CSMD1: variants seen among roughly 807,000 people sequenced by gnomAD.
CSMD1 encodes the protein CUB and sushi domain-containing protein 1.
In CSMD1, 213 loss-of-function variants were observed where a neutral mutation model predicts 417.5. The ratio of observed to expected loss-of-function variants is 0.51; its 90% CI spans 0.46 to 0.57. The LOEUF (loss-of-function observed/expected upper bound fraction) is 0.57, where lower values mean the gene tolerates loss of function less well. CSMD1 is among the 20% of genes least tolerant of loss of function. The pLI is 0.00. For synonymous variants in CSMD1, 2,862 were observed against 1,736.8 expected (o/e 1.65, Z -16.11); for missense variants, 6,923 against 4,529.7 (o/e 1.53, Z -15.17).
intron 2 of CSMD1, among the ~76,000 whole-genome samples, chr8:4,553,161 C>A (rs963382464): frequency 1.3e-5 from 2 of 152,198 alleles, no homozygotes; most frequent in African/African-American, 4.8e-5. Context: ...TTGCTTTGTA[C>A]GTTTTCAGTT....
At chr8:4,715,695 T>C (rs777245159) in intron 1 of CSMD1, among the ~76,000 whole-genome samples, 3 of 152,082 alleles carry the variant, frequency 2.0e-5, no homozygotes, top group Non-Finnish European at 2.9e-5. Flanking sequence ...CTTCTAGGCG[T>C]TCAACTCAAA....
At chr8:4,399,832 G>A (rs531840363) in intron 3 of CSMD1, among the ~76,000 whole-genome samples, 1 of 152,270 alleles carries the variant, frequency 6.6e-6, no homozygotes, top group Non-Finnish European at 1.5e-5. Flanking sequence ...AGTTTTCTAA[G>A]CCATTAAGGT....
rs539865843 is a variant in CSMD1 at position 3,727,297 on chromosome 8, G to C, written c.932-18806C>G. ...CATACACATACCTTTGAGGCAGTCA[G>C]CTCATCTGCAGAGCCTCCCGCCTGA... On this transcript the variant is annotated intron_variant, in intron 6 of 69. Coordinates refer to ENST00000635120, the MANE Select transcript of CSMD1 (RefSeq NM_033225.6). Among the ~76,000 whole-genome samples, 10 of 152,286 alleles carry C rather than the reference G, an allele frequency of 6.6e-5. No individual in the cohort carries two copies. In the East Asian group the frequency reaches 1.5e-3, roughly 24 times the overall value.
intron 5 of CSMD1, among the ~76,000 whole-genome samples, chr8:3,884,973 A>C (rs1425450792): frequency 6.0e-5 from 9 of 149,616 alleles, no homozygotes; most frequent in African/African-American, 1.0e-4. Context: ...AGAAGGCATC[A>C]TTCATATATA....
chr8:4,781,229 G>A (rs544861006), intron 1 of CSMD1, among the ~76,000 whole-genome samples: 1 of 152,184 alleles, frequency 6.6e-6, no homozygotes, highest in Admixed American at 6.6e-5. Context: ...TATGTGGTGA[G>A]GCACAATGGC....
chr8:3,124,647 G>T (rs540821071), intron 41 of CSMD1, among the ~76,000 whole-genome samples: 42 of 152,082 alleles, frequency 2.8e-4, no homozygotes, highest in Non-Finnish European at 5.4e-4. Context: ...CTCCTAAAGT[G>T]TGTGCCCCTT....
At chr8:4,939,569 G>T (rs1807844978) in intron 1 of CSMD1, among the ~76,000 whole-genome samples, 1 of 152,106 alleles carries the variant, frequency 6.6e-6, no homozygotes, top group African/African-American at 2.4e-5. Context: ...ACATGATCTT[G>T]CTTACATGTA....
At position 3,030,465 on chromosome 8, in the gene CSMD1, T is replaced by C. The variant is rs188231385; in HGVS notation, c.7661-952A>G. Among the ~76,000 whole-genome samples the C allele has an allele frequency of 1.1e-3, 168 of 152,058 alleles. 2 individuals carry two copies. Among genetic ancestry groups the C allele is most frequent in the Middle Eastern group, 6.8e-3 (2 of 294 alleles). Reference sequence around the variant, plus strand: ...TTTTCAGAATCATAGTGTTATATTTTAAATTCTTTTTTTGTGTGTGTGACA... The same window carrying C: ...TTTTCAGAATCATAGTGTTATATTTCAAATTCTTTTTTTGTGTGTGTGACA... On this transcript the variant is annotated intron_variant, in intron 50 of 69. Coordinates refer to ENST00000635120, the MANE Select transcript of CSMD1 (RefSeq NM_033225.6).
intron 3 of CSMD1, among the ~76,000 whole-genome samples, chr8:4,295,927 G>C (rs1213057718): frequency 1.3e-5 from 2 of 150,814 alleles, no homozygotes; most frequent in Admixed American, 1.3e-4. Context: ...CCCATCTCAG[G>C]AACACAGCAT....
intron 11 of CSMD1, among the ~76,000 whole-genome samples, chr8:3,469,554 T>C (rs187561142): frequency 3.8e-4 from 58 of 152,218 alleles, no homozygotes; most frequent in Admixed American, 2.2e-3. Flanking sequence ...AATCCATTGA[T>C]TGAACTCAAC....
intron 1 of CSMD1, among the ~76,000 whole-genome samples, chr8:4,918,415 T>C (rs1806215480): frequency 6.6e-6 from 1 of 152,218 alleles, no homozygotes; most frequent in African/African-American, 2.4e-5. Flanking sequence ...TCTTGCACAA[T>C]ATCCTCCTCT....
chr8:4,321,826 T>C (rs374688582), intron 3 of CSMD1, among the ~76,000 whole-genome samples: 17 of 152,322 alleles, frequency 1.1e-4, no homozygotes, highest in African/African-American at 3.8e-4. Flanking sequence ...TTTTTGGTAG[T>C]GTAGTTACAC....
At chr8:3,067,446 G>C (rs1420864636) in intron 49 of CSMD1, among the ~76,000 whole-genome samples, 2 of 151,988 alleles carry the variant, frequency 1.3e-5, no homozygotes, top group African/African-American at 4.8e-5. Flanking sequence ...ACTGAAGCAA[G>C]TCCCATTTCA....
chr8:4,211,847 A>T (rs1800330915), intron 3 of CSMD1, among the ~76,000 whole-genome samples: 1 of 152,188 alleles, frequency 6.6e-6, no homozygotes, highest in Admixed American at 6.5e-5. Flanking sequence ...GAGGGTGAGA[A>T]AACACTAACT....
chr8:4,398,202 G>A (rs976883114), intron 3 of CSMD1, among the ~76,000 whole-genome samples: 14 of 152,138 alleles, frequency 9.2e-5, no homozygotes, highest in African/African-American at 3.4e-4. Context: ...TGAGAATGTA[G>A]AAGGATGATC....
chr8:4,799,956 A>G (rs1798187011), intron 1 of CSMD1, among the ~76,000 whole-genome samples: 1 of 151,946 alleles, frequency 6.6e-6, no homozygotes, highest in Non-Finnish European at 1.5e-5. Flanking sequence ...GAACATGCAG[A>G]CTACACTGAT....
At chr8:4,675,053 G>A (rs1046917087) in intron 1 of CSMD1, among the ~76,000 whole-genome samples, 1 of 152,146 alleles carries the variant, frequency 6.6e-6, no homozygotes, top group Non-Finnish European at 1.5e-5. Flanking sequence ...GGACGCACAG[G>A]GCTCCAGAAC....
At chr8:4,230,553 G>A (rs938349113) in intron 3 of CSMD1, among the ~76,000 whole-genome samples, 2 of 152,058 alleles carry the variant, frequency 1.3e-5, no homozygotes, top group South Asian at 4.1e-4. Context: ...AATTATATTG[G>A]ACAATAAAGT....
intron 1 of CSMD1, among the ~76,000 whole-genome samples, chr8:4,941,927 T>G (rs1357343146): frequency 4.6e-5 from 7 of 152,170 alleles, no homozygotes; most frequent in Non-Finnish European, 1.0e-4. Flanking sequence ...ATGCTAAATT[T>G]GCAAACACAA....
Sources: gnomAD v4.1 joint callset for allele counts (sites outside exome capture counted in the v4.1 genomes callset) on GRCh38, gnomAD v4.1.1 for gene constraint, MANE v1.5 for transcripts, NCBI Gene and HGNC (gene_info 2026-07-23, HGNC 2026-07-21) for gene names.